MAML3: variants seen among roughly 807,000 people sequenced by gnomAD.
MAML3 encodes mastermind like transcriptional coactivator 3.
A neutral mutation model predicts 101.9 loss-of-function variants in MAML3; 27 were observed. The ratio of observed to expected loss-of-function variants is 0.27; its 90% CI spans 0.20 to 0.37. The LOEUF (loss-of-function observed/expected upper bound fraction) is 0.37. Among genes scored for constraint, MAML3 ranks in the 10% least tolerant of loss-of-function variants. MAML3 has a pLI of 1.00. For missense variants in MAML3, 1,316 were observed against 1,444.9 expected (o/e 0.91, Z 1.45); for synonymous variants, 501 against 555.9 (o/e 0.90, Z 1.39).
intron 2 of MAML3, among the ~76,000 whole-genome samples, chr4:139,765,820 T>C (rs1467246533): frequency 6.6e-6 from 1 of 151,882 alleles, no homozygotes; most frequent in Admixed American, 6.6e-5. Flanking sequence ...TTGTCTGCAC[T>C]AAAAATAAAA....
At chr4:139,822,225 T>TCACCATCAC (rs1730984830) in intron 2 of MAML3, among the ~76,000 whole-genome samples, 2 of 126,600 alleles carry the variant, frequency 1.6e-5, no homozygotes, top group African/African-American at 5.9e-5. Flanking sequence ...ATTATCACCA[T>TCACCATCAC]CACCACCACC....
chr4:140,064,610 C>T (rs1727500287), intron 1 of MAML3, among the ~76,000 whole-genome samples: 1 of 152,136 alleles, frequency 6.6e-6, no homozygotes, highest in African/African-American at 2.4e-5. Flanking sequence ...TTCTAGTTCC[C>T]AGCAGATCAA....
At chr4:139,738,859 C>T (rs1254153635) in intron 2 of MAML3, among the ~76,000 whole-genome samples, 2 of 152,162 alleles carry the variant, frequency 1.3e-5, no homozygotes, top group East Asian at 1.9e-4. Context: ...GATGCAATAA[C>T]ATATTTTTAT....
rs559659464 is a variant in MAML3, at chr4:139,940,095, C to G, written c.469-49128G>C. The stretch of plus-strand genomic sequence containing the variant: ...ACACTTGTTGAAACCAGTTTTGTAC[C>G]TCTACATGCCAAATAATTTGTCAGT... On this transcript the variant is annotated intron_variant, in intron 1 of 4. Transcript: ENST00000509479. 5.1e-4 allele frequency among the ~76,000 whole-genome samples: 77 copies of G among 152,214 alleles called. 1 individual carries two copies. The South Asian group carries it at 0.015, about 30-fold the overall frequency.
chr4:140,126,299 C>T (rs1376764141), intron 1 of MAML3, among the ~76,000 whole-genome samples: 1 of 152,006 alleles, frequency 6.6e-6, no homozygotes, highest in African/African-American at 2.4e-5. Context: ...CATGCCGTTT[C>T]TTCCTTAGTC....
intron 2 of MAML3, among the ~76,000 whole-genome samples, chr4:139,770,851 T>C (rs1291161803): frequency 6.6e-6 from 1 of 152,198 alleles, no homozygotes; most frequent in Non-Finnish European, 1.5e-5. Context: ...AAGCAAAATG[T>C]ATCCAGCAGA....
At chr4:140,049,651 T>C (rs546713501) in intron 1 of MAML3, among the ~76,000 whole-genome samples, 59 of 149,816 alleles carry the variant, frequency 3.9e-4, no homozygotes, top group African/African-American at 1.4e-3. Flanking sequence ...TATCTACGTA[T>C]AAATCATACA....
chr4:139,861,303 T>C (rs886666606), intron 2 of MAML3, among the ~76,000 whole-genome samples: 2 of 152,154 alleles, frequency 1.3e-5, no homozygotes, highest in Non-Finnish European at 2.9e-5. Flanking sequence ...ACTCATTCTC[T>C]TCTCCCTGTA....
At chr4:139,865,318 G>C (rs1252973501) in intron 2 of MAML3, among the ~76,000 whole-genome samples, 2 of 151,896 alleles carry the variant, frequency 1.3e-5, no homozygotes, top group Non-Finnish European at 2.9e-5. Context: ...ATGGTTCAAG[G>C]GTCCAGTATC....
intron 1 of MAML3, among the ~76,000 whole-genome samples, chr4:140,022,192 A>T (rs1480284861): frequency 6.6e-6 from 1 of 152,208 alleles, no homozygotes; most frequent in Non-Finnish European, 1.5e-5. Flanking sequence ...GTGAAACCAA[A>T]TTGCTTCCCT....
intron 1 of MAML3, among the ~76,000 whole-genome samples, chr4:140,032,218 T>A (rs917751403): frequency 6.6e-6 from 1 of 152,194 alleles, no homozygotes; most frequent in Admixed American, 6.6e-5. Flanking sequence ...TATAATTTAG[T>A]TCAACCCACT....
At position 139,730,639 on chromosome 4, in the gene MAML3, G is replaced by A. The variant is rs1644109291; in HGVS notation, c.2108C>T (p.Thr703Ile). The A allele has an allele frequency of 4.3e-6, 7 of 1,613,054 alleles. No homozygotes were observed. Among genetic ancestry groups the A allele is most frequent in the Non-Finnish European group, 5.9e-6 (7 of 1,179,546 alleles). Residue 703 changes from threonine to isoleucine, a missense_variant, in exon 3 of 5, where the codon ACC (threonine) becomes ATC (isoleucine). Coordinates refer to ENST00000509479, the MANE Select transcript of MAML3 (RefSeq NM_018717.5). Reference sequence around the variant, plus strand: ...CACGGAGGACTGCATGGGGCCTGTGGTTCGGGGAAGTCCAACTGGATGCTG... The same window carrying A: ...CACGGAGGACTGCATGGGGCCTGTGATTCGGGGAAGTCCAACTGGATGCTG... The part of the protein sequence containing the change: ...QEQHPVGLPR[T>I]TGPMQSSVPP...
At chr4:139,887,359 A>G (rs1313814101) in intron 2 of MAML3, among the ~76,000 whole-genome samples, 2 of 152,262 alleles carry the variant, frequency 1.3e-5, no homozygotes, top group Admixed American at 6.5e-5. Flanking sequence ...GAGGACTCAC[A>G]AAAGAACATT....
chr4:139,860,340 C>T (rs2111164598), intron 2 of MAML3, among the ~76,000 whole-genome samples: 1 of 152,364 alleles, frequency 6.6e-6, no homozygotes, highest in South Asian at 2.1e-4. Context: ...CTTCTCTTGG[C>T]CATCTTCCAG....
chr4:140,137,753 A>C (rs1490493222), intron 1 of MAML3, among the ~76,000 whole-genome samples: 1 of 152,236 alleles, frequency 6.6e-6, no homozygotes, highest in Non-Finnish European at 1.5e-5. Context: ...CCCAGAAGTC[A>C]ATACCAGAAA....
At chr4:139,721,309 T>C (rs948643488) in intron 4 of MAML3, among the ~76,000 whole-genome samples, 3 of 152,180 alleles carry the variant, frequency 2.0e-5, no homozygotes, top group South Asian at 2.1e-4. Flanking sequence ...ATGTCGCCAG[T>C]AGAACACCAG....
intron 1 of MAML3, among the ~76,000 whole-genome samples, chr4:139,944,892 G>A (rs2110746215): frequency 6.8e-6 from 1 of 147,766 alleles, no homozygotes; most frequent in African/African-American, 2.5e-5. Context: ...TCAGTGTGGC[G>A]ATTCCTCAGG....
chr4:139,914,854 T>C (rs1732998568), intron 1 of MAML3, among the ~76,000 whole-genome samples: 2 of 152,216 alleles, frequency 1.3e-5, no homozygotes, highest in Admixed American at 6.5e-5. Context: ...CTGGAGACTT[T>C]GAGGTTTCAC....
chr4:139,928,853 G>A (rs1037685293), intron 1 of MAML3, among the ~76,000 whole-genome samples: 1 of 152,170 alleles, frequency 6.6e-6, no homozygotes, highest in African/African-American at 2.4e-5. Flanking sequence ...CAGAATGGAG[G>A]GGGATTTGGC....
Sources: gnomAD v4.1 joint callset for allele counts (sites outside exome capture counted in the v4.1 genomes callset) on GRCh38, gnomAD v4.1.1 for gene constraint, MANE v1.5 for transcripts, NCBI Gene and HGNC (gene_info 2026-07-23, HGNC 2026-07-21) for gene names.